The following POLD3 variants were observed in gnomAD, a reference collection of about 807,000 sequenced individuals.
The protein encoded by POLD3 is DNA polymerase delta subunit 3.
A neutral mutation model predicts 58.2 loss-of-function variants in POLD3; 19 were observed. The observed-to-expected ratio is 0.33, with a 90% CI of 0.23 to 0.48. The LOEUF is 0.48. Among genes scored for constraint, POLD3 ranks in the 20% least tolerant of loss-of-function variants. The pLI is 0.99. For synonymous variants in POLD3, 172 were observed against 193.5 expected (o/e 0.89, Z 0.92); for missense variants, 504 against 545.5 (o/e 0.92, Z 0.76).
rs780986673 is a variant in POLD3 at position 74,613,007 on chromosome 11, G to A, written c.389G>A (p.Ser130Asn). The A allele has an allele frequency of 1.2e-5, 20 of 1,607,786 alleles. No individual in the cohort carries two copies. In the African/African-American group the frequency reaches 2.4e-4, roughly 19 times the overall value. The change falls in exon 5 of 12, where the codon AGC (serine) becomes AAC (asparagine). Residue 130 changes from serine to asparagine, a missense_variant. Ser to Asn is a conservative substitution (Grantham distance 46, BLOSUM62 1). Around this residue, in one of 2 missense-constraint regions of POLD3, gnomAD observed 119 missense variants for 175.0 expected, o/e 0.68. Transcript: ENST00000263681. ...CTTAAAAGCAACTTGCAGAACTGCA[G>A]CAAGTAAGCGTCTTAATGTTCCTTG... The part of the protein sequence containing the change: ...DILKSNLQNC[S>N]KFSAIQCAAA...
chr11:74,634,694 A>G lies in POLD3; in HGVS notation c.1118A>G (p.Lys373Arg), dbSNP rs181857010. The change falls in exon 10 of 12, where the codon AAG (lysine) becomes AGG (arginine). Residue 373 changes from lysine (K) to arginine (R), a missense_variant and splice_region_variant. Coordinates refer to ENST00000263681, the MANE Select transcript of POLD3 (RefSeq NM_006591.3). ...PKTEPEPPSV[K>R]SSSGENKRKR... ...ACTGAGCCTGAACCTCCTTCTGTCA[A>G]GGTAAAATTATACTGGGATTCTTGC... 1.3e-6 allele frequency: 2 copies of G among 1,550,560 alleles called. No individual in the cohort carries two copies. The highest frequency in any genetic ancestry group is 1.8e-6 in the Non-Finnish European group (2 of 1,122,106).
At chr11:74,628,351 CTCTTA>C (rs762293155) in intron 8 of POLD3, among the ~76,000 whole-genome samples, 4 of 152,088 alleles carry the variant, frequency 2.6e-5, no homozygotes, top group Non-Finnish European at 5.9e-5. Flanking sequence ...CTGATTTCTG[CTCTTA>C]TCTTTATTGT....
In POLD3 at chr11:74,657,888, A is replaced by G. The variant is rs188119947; in HGVS notation, c.370-10889A>G. ...GTCTTTATTTCTCCTTCATGTTTGA[A>G]GGATGTTTTCACCAGATATACTATT... On this transcript the variant is annotated intron_variant, in intron 4 of 4. Coordinates refer to the POLD3 transcript ENST00000524752. Among the ~76,000 whole-genome samples, 26 of 152,306 alleles carry G rather than the reference A, an allele frequency of 1.7e-4. 1 individual carries two copies. Among genetic ancestry groups the G allele is most frequent in the Admixed American group, 1.4e-3 (22 of 15,302 alleles).
rs2032946098 is a variant in POLD3 at position 74,642,716 on chromosome 11, G to A, written c.*1950G>A. 1.0e-6 allele frequency: 1 copy of A among 982,524 alleles called. No homozygotes were observed. The highest frequency in any genetic ancestry group is 1.7e-5 in the African/African-American group (1 of 57,154). The allele number at this position is 982,524 out of a possible 1,614,324, so 60.9% of individuals were successfully genotyped here. ...ATGAGTTAAATAAATTTGAGAAGTT[G>A]TTTTAAAACAGTGCTTCAAACTGAG... is the stretch of plus-strand genomic sequence containing the variant. On this transcript the variant is annotated 3_prime_UTR_variant, in exon 12 of 12. Transcript: ENST00000263681.
In POLD3 at chr11:74,641,619, G is replaced by A. The variant is rs1008499697; in HGVS notation, c.*853G>A. 2 of 985,330 alleles carry A rather than the reference G, an allele frequency of 2.0e-6. No individual in the cohort carries two copies. The highest frequency in any genetic ancestry group is 3.5e-5 in the African/African-American group (2 of 57,318). 61.0% of individuals were successfully genotyped at this position (985,330 alleles called of 1,614,324 possible). On this transcript the variant is annotated 3_prime_UTR_variant, in exon 12 of 12. Coordinates refer to ENST00000263681, the MANE Select transcript of POLD3 (RefSeq NM_006591.3). ...CCCCCACTCTCAATACCTAGAGAGTGAAACCCGTACAATGAGATAAAGACT... is the reference window on the plus strand; with the variant it reads ...CCCCCACTCTCAATACCTAGAGAGTAAAACCCGTACAATGAGATAAAGACT...
intron 3 of POLD3, 112 bp from the exon 4 acceptor site, chr11:74,611,387 G>C: frequency 1.5e-6 from 1 of 678,842 alleles, no homozygotes. Context: ...GTTTTAAGGA[G>C]TGCCTGGTGT....
chr11:74,656,407 T>G (rs1268942772), intron 4 of POLD3, among the ~76,000 whole-genome samples: 5 of 151,984 alleles, frequency 3.3e-5, no homozygotes, highest in African/African-American at 1.2e-4. Context: ...ACCAAAATGG[T>G]GAAAGCCCGT....
downstream of POLD3, among the ~76,000 whole-genome samples, chr11:74,646,507 TAA>T (rs1195218758): frequency 6.6e-6 from 1 of 152,232 alleles, no homozygotes; most frequent in Non-Finnish European, 1.5e-5. Flanking sequence ...GTTAAGAATT[TAA>T]AGAGAGGCTG....
At chr11:74,654,433 AAGTAG>A (rs1565134030) in intron 4 of POLD3, among the ~76,000 whole-genome samples, 1 of 152,242 alleles carries the variant, frequency 6.6e-6, no homozygotes, top group Non-Finnish European at 1.5e-5. Flanking sequence ...AACTAAAAAC[AAGTAG>A]ATAAATCTGT....
chr11:74,668,939 G>A, exon 5 of POLD3: 2 of 405,982 alleles, frequency 4.9e-6, no homozygotes, highest in Non-Finnish European at 4.3e-6. Flanking sequence ...GTGACGTGAT[G>A]GTTAAGTTCA....
At chr11:74,606,482 T>G (rs2031680411) in intron 3 of POLD3, among the ~76,000 whole-genome samples, 1 of 152,246 alleles carries the variant, frequency 6.6e-6, no homozygotes, top group African/African-American at 2.4e-5. Context: ...GCAGTGCTTT[T>G]TATTCTTTTT....
chr11:74,640,932 G>T lies in POLD3; in HGVS notation c.*166G>T. The T allele has an allele frequency of 7.9e-7, 1 of 1,261,306 alleles. No homozygotes were observed. Among genetic ancestry groups the T allele is most frequent in the Non-Finnish European group, 1.0e-6 (1 of 1,004,464 alleles). The allele number at this position is 1,261,306 out of a possible 1,614,324, so 78.1% of individuals were successfully genotyped here. On this transcript the variant is annotated 3_prime_UTR_variant, in exon 12 of 12. Transcript: ENST00000263681. ...TACTATTTCTGGTTTTTAACCAAAA[G>T]GAAATCATCTGGAAGCAGGAGGCAA...
intron 5 of POLD3, 54 bp downstream of exon 5, chr11:74,613,064 G>A: frequency 1.3e-6 from 2 of 1,523,898 alleles, no homozygotes; most frequent in Non-Finnish European, 1.8e-6. Context: ...TTTGTAAGAT[G>A]TTTACACAGT....
intron 4 of POLD3, among the ~76,000 whole-genome samples, chr11:74,655,619 C>T (rs577056565): frequency 6.6e-6 from 1 of 150,672 alleles, no homozygotes; most frequent in South Asian, 2.1e-4. Context: ...AGAAGACAAA[C>T]CATGGGGATT....
At chr11:74,636,168 G>C in intron 10 of POLD3, 29 bp from the exon 11 acceptor site, 1 of 1,597,884 alleles carries the variant, frequency 6.3e-7, no homozygotes, top group Non-Finnish European at 8.6e-7. Context: ...AATTGATCCA[G>C]CTTAACATTG....
Position 74,642,804 on chromosome 11 carries a change from G to T in POLD3, c.*2038G>T, listed in dbSNP as rs1383114768. On this transcript the variant is annotated 3_prime_UTR_variant, in exon 12 of 12. Coordinates refer to ENST00000263681, the MANE Select transcript of POLD3 (RefSeq NM_006591.3). ...GTTGCAATTATTTAAGCTCTGAATG[G>T]GAAGAAGGCTGGTTTTCAGTTGATA... 9.1e-6 allele frequency: 9 copies of T among 985,138 alleles called. No homozygotes were observed. Among genetic ancestry groups the T allele is most frequent in the Non-Finnish European group, 9.6e-6 (8 of 829,858 alleles). 61.0% of individuals were successfully genotyped at this position (985,138 alleles called of 1,614,324 possible). A position where few individuals can be genotyped will look rare whatever the true frequency, so the allele number is the denominator to read the frequency against.
At chr11:74,654,550 T>C (rs2033109149) in intron 4 of POLD3, among the ~76,000 whole-genome samples, 2 of 152,320 alleles carry the variant, frequency 1.3e-5, no homozygotes, top group South Asian at 4.1e-4. Flanking sequence ...CAAAATTGAT[T>C]AAAGGCTTAC....
chr11:74,632,511 C>T (rs997157407), intron 9 of POLD3, among the ~76,000 whole-genome samples: 41 of 151,998 alleles, frequency 2.7e-4, no homozygotes, highest in Admixed American at 5.9e-4. Context: ...AATGGCGGCA[C>T]GTTTAAACAA....
intron 4 of POLD3, among the ~76,000 whole-genome samples, chr11:74,651,990 A>G (rs1003046224): frequency 4.6e-5 from 7 of 152,218 alleles, no homozygotes; most frequent in African/African-American, 1.4e-4. Flanking sequence ...AGCTGAGGAA[A>G]TAGGCCCCAG....
Sources: allele counts gnomAD v4.1 joint callset (sites outside exome capture counted in the v4.1 genomes callset), GRCh38; gene constraint gnomAD v4.1.1; regional missense constraint gnomAD v4.1.1; transcripts MANE v1.5; gene names NCBI Gene and HGNC (gene_info 2026-07-23, HGNC 2026-07-21).